Variants in DHRS3 observed in about 807,000 individuals in gnomAD.
The protein encoded by DHRS3 is dehydrogenase/reductase 3, also known as short-chain dehydrogenase/reductase 3.
Under a neutral mutation model 27.2 loss-of-function variants are expected in DHRS3, and 14 were observed. The ratio of observed to expected loss-of-function variants is 0.52; its 90% CI spans 0.34 to 0.81. The LOEUF (loss-of-function observed/expected upper bound fraction) is 0.81, where lower values mean the gene tolerates loss of function less well. Ranked by LOEUF, DHRS3 falls within the 30% of genes least tolerant of loss-of-function variation. The probability of loss-of-function intolerance (pLI) is 0.01; values close to 1 mark genes in which losing one functional copy is unlikely to be tolerated. For missense variants in DHRS3, 322 were observed against 406.2 expected, an observed-to-expected ratio of 0.79 and a Z score of 1.78; for synonymous variants, 165 against 175.9, an observed-to-expected ratio of 0.94 and a Z score of 0.49.
At chr1:12,599,603 T>C (rs936864753) in intron 1 of DHRS3, among the ~76,000 whole-genome samples, 1 of 152,074 alleles carries the variant, frequency 6.6e-6, no homozygotes, top group Non-Finnish European at 1.5e-5. Flanking sequence ...CTCCACTCCC[T>C]GCTCACACTT....
intron 1 of DHRS3, among the ~76,000 whole-genome samples, chr1:12,588,853 C>G (rs949206389): frequency 6.6e-6 from 1 of 152,224 alleles, no homozygotes; most frequent in Admixed American, 6.5e-5. Flanking sequence ...TTGGCAGCCC[C>G]TGAAAGATCT....
chr1:12,613,601 A>G (rs1357075894), intron 1 of DHRS3, among the ~76,000 whole-genome samples: 1 of 152,126 alleles, frequency 6.6e-6, no homozygotes, highest in Non-Finnish European at 1.5e-5. Context: ...GGGGTTCATA[A>G]ATCTACTCAC....
chr1:12,582,704 C>G (rs1021819953), intron 1 of DHRS3, among the ~76,000 whole-genome samples: 5 of 152,086 alleles, frequency 3.3e-5, no homozygotes, highest in African/African-American at 1.2e-4. Context: ...CATCCAGGTT[C>G]CTTTATTCCT....
chr1:12,577,319 C>T (rs1646598419), intron 4 of DHRS3, among the ~76,000 whole-genome samples: 1 of 152,174 alleles, frequency 6.6e-6, no homozygotes, highest in East Asian at 1.9e-4. Context: ...TCCACTTTGT[C>T]CTCACTGCAG....
intron 4 of DHRS3, among the ~76,000 whole-genome samples, chr1:12,577,976 C>T (rs1212500275): frequency 6.6e-6 from 1 of 152,182 alleles, no homozygotes; most frequent in Non-Finnish European, 1.5e-5. Flanking sequence ...TTGCTAGTTC[C>T]CTCGCCTCCC....
At chr1:12,597,956 G>A (rs980814189) in intron 1 of DHRS3, among the ~76,000 whole-genome samples, 2 of 152,176 alleles carry the variant, frequency 1.3e-5, no homozygotes, top group Non-Finnish European at 2.9e-5. Flanking sequence ...TGCCCAACAG[G>A]AACACCCAGT....
In DHRS3 at chr1:12,579,739, C is replaced by A. The variant is rs192179342; in HGVS notation, c.340-327G>T. The A allele has an allele frequency of 2.3e-5, 6 of 263,228 alleles. No homozygotes were observed. In the East Asian group the frequency reaches 6.2e-4, roughly 27 times the overall value. The allele number at this position is 263,228 out of a possible 1,614,324, so 16.3% of individuals were successfully genotyped here. ...CCGCCTGCCTCGGTCTCCCAAAATG[C>A]TGGGATTACAGGTGTGAGCCACCGC... On this transcript the variant is annotated intron_variant, in intron 2 of 5. Transcript: ENST00000616661.
intron 3 of DHRS3, 111 bp downstream of exon 3, chr1:12,579,182 T>C: frequency 6.4e-7 from 1 of 1,565,626 alleles, no homozygotes; most frequent in Non-Finnish European, 8.7e-7. Flanking sequence ...ACCTTGTTCG[T>C]GGACATCCCT....
intron 1 of DHRS3, among the ~76,000 whole-genome samples, chr1:12,612,123 TG>T (rs1646914675): frequency 6.6e-6 from 1 of 152,104 alleles, no homozygotes; most frequent in Non-Finnish European, 1.5e-5. Context: ...TTGTGACCGA[TG>T]CTCTAAGCAG....
chr1:12,582,780 A>G (rs929485915), intron 1 of DHRS3, among the ~76,000 whole-genome samples: 8 of 151,368 alleles, frequency 5.3e-5, no homozygotes, highest in African/African-American at 1.9e-4. Context: ...TCTCCCGTTC[A>G]CCAGTCCATC....
intron 1 of DHRS3, among the ~76,000 whole-genome samples, chr1:12,584,524 C>T (rs549952805): frequency 7.0e-6 from 1 of 143,084 alleles, no homozygotes; most frequent in South Asian, 2.5e-4. Flanking sequence ...CCGTTCACAT[C>T]CCAGTGCCCA....
intron 2 of DHRS3, 111 bp from the exon 3 acceptor site, chr1:12,579,523 T>A (rs1283694641): frequency 6.9e-7 from 1 of 1,456,518 alleles, no homozygotes; most frequent in African/African-American, 1.4e-5. Flanking sequence ...TTGTCCAGGC[T>A]GGAGTGCAGT....
chr1:12,598,285 G>A (rs959165586), intron 1 of DHRS3, among the ~76,000 whole-genome samples: 1 of 152,162 alleles, frequency 6.6e-6, no homozygotes, highest in African/African-American at 2.4e-5. Context: ...CCACTGGGGA[G>A]GATCACGTGA....
intron 5 of DHRS3, among the ~76,000 whole-genome samples, chr1:12,568,886 C>T (rs1160620807): frequency 8.6e-5 from 13 of 151,982 alleles, no homozygotes; most frequent in Non-Finnish European, 1.8e-4. Context: ...GAGATTGTAC[C>T]GCTGCATTCC....
chr1:12,606,338 C>T lies in DHRS3; in HGVS notation c.195+10816G>A, dbSNP rs560729690. ...AAAAAAAAAAAAAAAAAGCCAATAC[C>T]ATAGACATCTCCATTGGTTCAGCAT... On this transcript the variant is annotated intron_variant, in intron 1 of 5. Transcript: ENST00000616661. Among the ~76,000 whole-genome samples, 8 of 144,072 alleles carry T rather than the reference C, an allele frequency of 5.6e-5. No homozygotes were observed. The South Asian group carries it at 1.7e-3, about 31-fold the overall frequency. 94.5% of individuals were successfully genotyped at this position (144,072 alleles called of 152,430 possible).
rs1646764768 is a variant in DHRS3, at chr1:12,593,641, C to T, written c.196-12975G>A. On this transcript the variant is annotated intron_variant, in intron 1 of 5. Transcript: ENST00000616661. This position sits in a 1 kb window ranked among gnomAD's most constrained non-coding sequence, Gnocchi z 4.6. ...ATTTCCTCCTTCCCAGTTGCTGAGA[C>T]AGGCATGTCTCCCCCTGTGATGAGC... Among the ~76,000 whole-genome samples, 1 of 152,162 alleles carries T rather than the reference C, an allele frequency of 6.6e-6. No individual in the cohort carries two copies. The highest frequency in any genetic ancestry group is 2.4e-5 in the African/African-American group (1 of 41,428).
chr1:12,579,038 C>T (rs1255781228), intron 3 of DHRS3, 82 bp from the exon 4 acceptor site: 2 of 1,355,634 alleles, frequency 1.5e-6, no homozygotes, highest in African/African-American at 1.4e-5. Flanking sequence ...AACAGCCCAC[C>T]CCGGACACAC....
At chr1:12,588,118 G>A (rs1399084471) in intron 1 of DHRS3, among the ~76,000 whole-genome samples, 1 of 152,198 alleles carries the variant, frequency 6.6e-6, no homozygotes, top group African/African-American at 2.4e-5. Flanking sequence ...CTGGTGCCCG[G>A]CCCGGGCTGT....
chr1:12,581,586 A>C (rs1222748220), intron 1 of DHRS3, among the ~76,000 whole-genome samples: 1 of 152,182 alleles, frequency 6.6e-6, no homozygotes, highest in Non-Finnish European at 1.5e-5. Context: ...TGGCAGGACC[A>C]CTGAGGGTTT....
Sources: gnomAD v4.1 joint callset for allele counts (sites outside exome capture counted in the v4.1 genomes callset) on GRCh38, gnomAD v4.1.1 for gene constraint, Gnocchi (gnomAD v3.1) non-coding constraint, MANE v1.5 for transcripts, NCBI Gene and HGNC (gene_info 2026-07-23, HGNC 2026-07-21) for gene names.